TRAPPC12: variants seen among roughly 807,000 people sequenced by gnomAD.
TRAPPC12 encodes trafficking protein particle complex subunit 12.
A neutral mutation model predicts 69.2 loss-of-function variants in TRAPPC12; 61 were observed. The observed-to-expected ratio is 0.88, with a 90% CI of 0.72 to 1.09. The LOEUF is 1.09. Among genes scored for constraint, TRAPPC12 ranks in the 50% least tolerant of loss-of-function variants. The pLI is 0.00. For synonymous variants in TRAPPC12, 469 were observed against 438.9 expected (o/e 1.07, Z -0.86); for missense variants, 1,101 against 1,016.4 (o/e 1.08, Z -1.13).
At position 3,457,185 on chromosome 2, in the gene TRAPPC12, G is replaced by A. The variant is rs372611843; in HGVS notation, c.1531-436G>A. 5.2e-5 allele frequency: 24 copies of A among 457,834 alleles called. 1 individual carries two copies. Among genetic ancestry groups the A allele is most frequent in the East Asian group, 4.2e-4 (6 of 14,348 alleles). 28.4% of individuals were successfully genotyped at this position (457,834 alleles called of 1,614,324 possible). On this transcript the variant is annotated intron_variant, in intron 6 of 11. Transcript: ENST00000324266. ...ACAGCTGGAGGCCATTATCCTAAGT[G>A]AATTAACACAGAAACAGAAAACCAA...
intron 5 of TRAPPC12, among the ~76,000 whole-genome samples, chr2:3,443,001 A>G (rs1456909228): frequency 6.6e-6 from 1 of 152,254 alleles, no homozygotes; most frequent in Non-Finnish European, 1.5e-5. Context: ...TCTACTTAGT[A>G]TACATACTAC....
intron 2 of TRAPPC12, among the ~76,000 whole-genome samples, chr2:3,401,163 A>G (rs1159372208): frequency 3.9e-5 from 6 of 152,210 alleles, no homozygotes; most frequent in Admixed American, 3.9e-4. Flanking sequence ...GAGGCTACCG[A>G]GGACCTGCTG....
chr2:3,388,872 C>A lies in TRAPPC12; in HGVS notation c.1047+202C>A, dbSNP rs545532893. The A allele has an allele frequency of 5.1e-5, 27 of 527,866 alleles. 1 individual carries two copies. The South Asian group carries it at 9.3e-4, about 18-fold the overall frequency. The allele number at this position is 527,866 out of a possible 1,614,324, so 32.7% of individuals were successfully genotyped here. A position where few individuals can be genotyped will look rare whatever the true frequency, so the allele number is the denominator to read the frequency against. ...CCAACAGAACATATTTAATGGACTG[C>A]TACTCAGAGAGGTAGAAATAAATAC... is the stretch of plus-strand genomic sequence containing the variant. On this transcript the variant is annotated intron_variant, in intron 2 of 11. Coordinates refer to ENST00000324266, the MANE Select transcript of TRAPPC12 (RefSeq NM_016030.6).
At position 3,465,655 on chromosome 2, in the gene TRAPPC12, A is replaced by G. The variant is rs1024431525; in HGVS notation, c.1736A>G (p.Glu579Gly). Reference sequence around the variant, plus strand: ...GTTATCAAGTATTACCCAGAGCAAGAGCCCCAGCTGCTCAGCGGCATCGGC... The same window carrying G: ...GTTATCAAGTATTACCCAGAGCAAGGGCCCCAGCTGCTCAGCGGCATCGGC... The part of the protein sequence containing the change: ...HSVIKYYPEQ[E>G]PQLLSGIGRI... Residue 579 changes from glutamate to glycine, a missense_variant, in exon 9 of 12, where the codon GAG (glutamate) becomes GGG (glycine). Transcript: ENST00000324266. 1.2e-5 allele frequency: 19 copies of G among 1,614,052 alleles called. No individual in the cohort carries two copies. Among genetic ancestry groups the G allele is most frequent in the Admixed American group, 1.7e-5 (1 of 60,010 alleles).
intron 5 of TRAPPC12, among the ~76,000 whole-genome samples, chr2:3,425,864 A>T (rs1366428436): frequency 6.6e-6 from 1 of 152,250 alleles, no homozygotes; most frequent in Non-Finnish European, 1.5e-5. Flanking sequence ...AACTTGGTTG[A>T]TACTAGTAGG....
intron 3 of TRAPPC12, among the ~76,000 whole-genome samples, chr2:3,418,538 TC>T (rs1486257582): frequency 6.6e-6 from 1 of 152,184 alleles, no homozygotes; most frequent in Non-Finnish European, 1.5e-5. Context: ...ATTGTAGACT[TC>T]CTGGCCATAC....
At position 3,406,740 on chromosome 2, in the gene TRAPPC12, C is replaced by G. The variant is rs148851227; in HGVS notation, c.1164+4847C>G. Among the ~76,000 whole-genome samples, 103 of 152,322 alleles carry G rather than the reference C, an allele frequency of 6.8e-4. 1 individual carries two copies. Among genetic ancestry groups the G allele is most frequent in the African/African-American group, 2.5e-3 (102 of 41,570 alleles). On this transcript the variant is annotated intron_variant, in intron 3 of 11. Transcript: ENST00000324266. ...GCTGCTGTGATGTATCCTCTTGAGG[C>G]AGGAACTGAACTGGCAGCATGACAG...
chr2:3,412,690 A>C (rs1457788393), intron 3 of TRAPPC12, among the ~76,000 whole-genome samples: 2 of 152,174 alleles, frequency 1.3e-5, no homozygotes, highest in African/African-American at 4.8e-5. Flanking sequence ...GGCCAGCTAC[A>C]CCTTCATCTA....
At chr2:3,402,446 G>A (rs1180655743) in intron 3 of TRAPPC12, among the ~76,000 whole-genome samples, 2 of 152,052 alleles carry the variant, frequency 1.3e-5, no homozygotes, top group Non-Finnish European at 2.9e-5. Context: ...AAAATTAGCT[G>A]GGCATGGTGG....
At chr2:3,412,974 CA>C (rs1257804591) in intron 3 of TRAPPC12, among the ~76,000 whole-genome samples, 1 of 152,160 alleles carries the variant, frequency 6.6e-6, no homozygotes, top group Admixed American at 6.5e-5. Context: ...ATGCCATGTA[CA>C]GATATCTTGT....
At chr2:3,431,401 G>A (rs7575853) in intron 5 of TRAPPC12, among the ~76,000 whole-genome samples, 3,989 of 152,296 alleles carry the variant, frequency 0.026, 165 homozygotes, top group African/African-American at 0.091. Context: ...CAGGGTCGCC[G>A]TCGCCATGGA....
chr2:3,408,129 G>A (rs1661831033), intron 3 of TRAPPC12, among the ~76,000 whole-genome samples: 1 of 152,120 alleles, frequency 6.6e-6, no homozygotes, highest in South Asian at 2.1e-4. Context: ...TGCCGAGGCT[G>A]GTAAAAATAA....
At chr2:3,466,497 A>T (rs1200917806) in intron 9 of TRAPPC12, 3 of 421,954 alleles carry the variant, frequency 7.1e-6, no homozygotes, top group Non-Finnish European at 1.5e-5. Context: ...CAGCTACAGG[A>T]GGCCACATAG....
At chr2:3,470,308 G>A (rs1017479108) in intron 9 of TRAPPC12, among the ~76,000 whole-genome samples, 7 of 152,246 alleles carry the variant, frequency 4.6e-5, no homozygotes, top group Non-Finnish European at 4.4e-5. Context: ...GGAAGCTGAC[G>A]TGCCCCTCCC....
chr2:3,392,353 G>C (rs984527025), intron 2 of TRAPPC12, among the ~76,000 whole-genome samples: 3 of 152,118 alleles, frequency 2.0e-5, no homozygotes, highest in Non-Finnish European at 4.4e-5. Context: ...AGGACAGACG[G>C]CCTAGACAAG....
intron 6 of TRAPPC12, among the ~76,000 whole-genome samples, chr2:3,450,148 C>T (rs1458223647): frequency 2.0e-5 from 3 of 152,180 alleles, no homozygotes; most frequent in Non-Finnish European, 4.4e-5. Flanking sequence ...CCCCGCCACC[C>T]AGCCGTGGCA....
chr2:3,388,136 C>T lies in TRAPPC12; in HGVS notation c.513C>T (p.Ser171=), dbSNP rs1660594605. ...TCAGCCAGCGCGCGCCCCCAGCCTC[C>T]GGGGACGGCTTCGAGCCGCAGATGG... ...TIFSQRAPPA[S]GDGFEPQMVK... is the part of the protein sequence containing the mutation. Residue 171 remains serine, a synonymous_variant, in exon 2 of 12, where the codon TCC becomes TCT. Coordinates refer to ENST00000324266, the MANE Select transcript of TRAPPC12 (RefSeq NM_016030.6). 4 of 1,595,292 alleles carry T rather than the reference C, an allele frequency of 2.5e-6. No individual in the cohort carries two copies. The South Asian group carries it at 3.3e-5, about 13-fold the overall frequency.
Position 3,424,390 on chromosome 2 carries a change from C to G in TRAPPC12, c.1279-135C>G, listed in dbSNP as rs1459919432. 1.2e-5 allele frequency: 9 copies of G among 749,508 alleles called. No individual in the cohort carries two copies. In the East Asian group the frequency reaches 2.3e-4, roughly 19 times the overall value. The allele number at this position is 749,508 out of a possible 1,614,324, so 46.4% of individuals were successfully genotyped here. A position where few individuals can be genotyped will look rare whatever the true frequency, so the allele number is the denominator to read the frequency against. On this transcript the variant is annotated intron_variant, in intron 4 of 11. Coordinates refer to ENST00000324266, the MANE Select transcript of TRAPPC12 (RefSeq NM_016030.6). Reference sequence around the variant, plus strand: ...TTTTAAATACGATTGTGTAAATATGCAAAGATAGAAAGTTAGGTTAGCCCT... The same window carrying G: ...TTTTAAATACGATTGTGTAAATATGGAAAGATAGAAAGTTAGGTTAGCCCT...
At chr2:3,415,174 A>G (rs1662301721) in intron 3 of TRAPPC12, among the ~76,000 whole-genome samples, 1 of 152,140 alleles carries the variant, frequency 6.6e-6, no homozygotes, top group South Asian at 2.1e-4. Flanking sequence ...TGATGGTGCA[A>G]AAGCGCTCCC....
Sources: gnomAD v4.1 joint callset for allele counts (sites outside exome capture counted in the v4.1 genomes callset) on GRCh38, gnomAD v4.1.1 for gene constraint, MANE v1.5 for transcripts, NCBI Gene and HGNC (gene_info 2026-07-23, HGNC 2026-07-21) for gene names.